Variants in ZC3H15 observed in about 807,000 individuals in gnomAD.
ZC3H15 encodes the protein zinc finger CCCH domain-containing protein 15.
In ZC3H15, 15 loss-of-function variants were observed where a neutral mutation model predicts 51.2. That is an observed-to-expected ratio of 0.29 (90% CI 0.20 to 0.45). The LOEUF is 0.45. Among genes scored for constraint, ZC3H15 ranks in the 20% least tolerant of loss-of-function variants. ZC3H15 has a pLI of 1.00. For missense variants in ZC3H15, 381 were observed against 494.7 expected (o/e 0.77, Z 2.18); for synonymous variants, 144 against 162.8 (o/e 0.88, Z 0.88).
chr2:186,503,991 C>A, intron 5 of ZC3H15, 41 bp from the exon 6 acceptor site: 1 of 1,492,420 alleles, frequency 6.7e-7, no homozygotes, highest in Non-Finnish European at 8.9e-7. Context: ...TGGAAATGGC[C>A]TACACTGAGC....
At chr2:186,489,868 T>G (rs1685165807) in intron 1 of ZC3H15, among the ~76,000 whole-genome samples, 1 of 152,216 alleles carries the variant, frequency 6.6e-6, no homozygotes, top group South Asian at 2.1e-4. Flanking sequence ...AAAATCTAGC[T>G]GGAATGCAAT....
In ZC3H15 at chr2:186,486,279, G is replaced by A; in HGVS notation, c.-104G>A. 8 of 1,260,172 alleles carry A rather than the reference G, an allele frequency of 6.3e-6. No individual in the cohort carries two copies. In the South Asian group the frequency reaches 1.1e-4, roughly 17 times the overall value. The allele number at this position is 1,260,172 out of a possible 1,614,324, so 78.1% of individuals were successfully genotyped here. On this transcript the variant is annotated 5_prime_UTR_variant, in exon 1 of 10. Coordinates refer to ENST00000337859, the MANE Select transcript of ZC3H15 (RefSeq NM_018471.3). Reference sequence around the variant, plus strand: ...ATGAGCGACTCGCTTTCCGTGCGGTGCGGCGAGTGAGGCCCCGGTCTTCCT... The same window carrying A: ...ATGAGCGACTCGCTTTCCGTGCGGTACGGCGAGTGAGGCCCCGGTCTTCCT...
At chr2:186,486,557 G>A (rs972095740) in intron 1 of ZC3H15, 100 bp downstream of exon 1, 6 of 1,335,866 alleles carry the variant, frequency 4.5e-6, no homozygotes, top group East Asian at 2.6e-5. Context: ...CTCGGGCCAC[G>A]TGTTCCTCCC....
intron 2 of ZC3H15, among the ~76,000 whole-genome samples, chr2:186,497,914 T>C (rs1413114397): frequency 2.6e-5 from 4 of 152,220 alleles, no homozygotes; most frequent in Non-Finnish European, 5.9e-5. Flanking sequence ...AGTGCTGCTC[T>C]TAGAGCTGGA....
chr2:186,501,743 G>A (rs1434930620), intron 4 of ZC3H15, among the ~76,000 whole-genome samples: 1 of 151,224 alleles, frequency 6.6e-6, no homozygotes, highest in African/African-American at 2.4e-5. Flanking sequence ...CGGAGTCTTG[G>A]CTCTGTCGCC....
intron 9 of ZC3H15, among the ~76,000 whole-genome samples, chr2:186,507,131 T>A (rs1685482427): frequency 6.6e-6 from 1 of 152,148 alleles, no homozygotes; most frequent in African/African-American, 2.4e-5. Context: ...AAAAGTGCAC[T>A]GTCTAGGATA....
At chr2:186,486,852 C>A in intron 1 of ZC3H15, 1 of 192,518 alleles carries the variant, frequency 5.2e-6, no homozygotes, top group Non-Finnish European at 1.1e-5. Flanking sequence ...CGACTCATGA[C>A]GAGTCTTTGT....
chr2:186,499,711 T>G (rs1685345717), intron 2 of ZC3H15: 1 of 395,548 alleles, frequency 2.5e-6, no homozygotes, highest in Non-Finnish European at 4.9e-6. Context: ...TGTTTTGTTT[T>G]GAATTGTTTT....
chr2:186,488,029 G>C (rs903325185), intron 1 of ZC3H15, among the ~76,000 whole-genome samples: 2 of 152,194 alleles, frequency 1.3e-5, no homozygotes, highest in African/African-American at 4.8e-5. Flanking sequence ...AGCAATTTTA[G>C]TTTCAATAAT....
At chr2:186,486,722 C>T (rs1012238157) in intron 1 of ZC3H15, among the ~76,000 whole-genome samples, 3 of 146,660 alleles carry the variant, frequency 2.0e-5, no homozygotes, top group South Asian at 2.1e-4. Flanking sequence ...GCGAAATGAC[C>T]CCTCGGGACT....
chr2:186,507,626 A>G (rs983991074), intron 9 of ZC3H15, among the ~76,000 whole-genome samples: 1 of 152,210 alleles, frequency 6.6e-6, no homozygotes, highest in Non-Finnish European at 1.5e-5. Flanking sequence ...TACTTGAAGA[A>G]AGGGGTAAAA....
At chr2:186,499,548 C>T in intron 2 of ZC3H15, 1 of 455,522 alleles carries the variant, frequency 2.2e-6, no homozygotes, top group East Asian at 7.0e-5. Flanking sequence ...TGTCTGTCAT[C>T]CTGCTAGATT....
intron 1 of ZC3H15, among the ~76,000 whole-genome samples, chr2:186,489,366 A>AC (rs1159702913): frequency 1.3e-5 from 2 of 152,164 alleles, no homozygotes; most frequent in Non-Finnish European, 2.9e-5. Flanking sequence ...TATATAGGCA[A>AC]CTTTTTTTTT....
Position 186,486,336 on chromosome 2 carries a change from C to G in ZC3H15, c.-47C>G, listed in dbSNP as rs373604344. 1 of 1,499,178 alleles carries G rather than the reference C, an allele frequency of 6.7e-7. No individual in the cohort carries two copies. Among genetic ancestry groups the G allele is most frequent in the African/African-American group, 1.4e-5 (1 of 71,390 alleles). 92.9% of individuals were successfully genotyped at this position (1,499,178 alleles called of 1,614,324 possible). A position where few individuals can be genotyped will look rare whatever the true frequency, so the allele number is the denominator to read the frequency against. Reference sequence around the variant, plus strand: ...CCTGCCGCAGGGCCAGAACCCCTGACGGTATTCAGCTGCGCGTAAGTCTGG... The same window carrying G: ...CCTGCCGCAGGGCCAGAACCCCTGAGGGTATTCAGCTGCGCGTAAGTCTGG... On this transcript the variant is annotated 5_prime_UTR_variant, in exon 1 of 10. Transcript: ENST00000337859.
In ZC3H15 at chr2:186,508,915, A is replaced by C; in HGVS notation, c.*182A>C. 2 of 665,458 alleles carry C rather than the reference A, an allele frequency of 3.0e-6. No individual in the cohort carries two copies. Among genetic ancestry groups the C allele is most frequent in the Non-Finnish European group, 5.3e-6 (2 of 378,872 alleles). The allele number at this position is 665,458 out of a possible 1,614,324, so 41.2% of individuals were successfully genotyped here. A position where few individuals can be genotyped will look rare whatever the true frequency, so the allele number is the denominator to read the frequency against. On this transcript the variant is annotated 3_prime_UTR_variant, in exon 10 of 10. Coordinates refer to ENST00000337859, the MANE Select transcript of ZC3H15 (RefSeq NM_018471.3). ...TCTCTTCTGACTTTGGCTACATCTC[A>C]TAGTAAGTTCAGAGTAGTTCATGAT...
At chr2:186,492,475 G>T (rs1685215886) in intron 1 of ZC3H15, among the ~76,000 whole-genome samples, 1 of 152,128 alleles carries the variant, frequency 6.6e-6, no homozygotes. Flanking sequence ...GTAGAATTTT[G>T]TATAATACCA....
At chr2:186,495,398 T>C in intron 2 of ZC3H15, 64 bp downstream of exon 2, 1 of 961,622 alleles carries the variant, frequency 1.0e-6, no homozygotes. Flanking sequence ...CTGTTTCAGA[T>C]AAAATGTCTG....
At chr2:186,499,658 A>G (rs1218485188) in intron 2 of ZC3H15, 1 of 442,918 alleles carries the variant, frequency 2.3e-6, no homozygotes, top group Admixed American at 2.6e-5. Context: ...CTCTAATCAT[A>G]TTAGGTATGT....
intron 3 of ZC3H15, among the ~76,000 whole-genome samples, chr2:186,500,821 C>T (rs998506282): frequency 8.5e-5 from 13 of 152,098 alleles, no homozygotes; most frequent in Non-Finnish European, 1.9e-4. Context: ...ATTACAGGCA[C>T]GCACTACCAC....
Sources: allele counts gnomAD v4.1 joint callset (sites outside exome capture counted in the v4.1 genomes callset), GRCh38; gene constraint gnomAD v4.1.1; transcripts MANE v1.5; gene names NCBI Gene and HGNC (gene_info 2026-07-23, HGNC 2026-07-21).